RAB11FIP3: variants seen among roughly 807,000 people sequenced by gnomAD.
The protein encoded by RAB11FIP3 is RAB11 family interacting protein 3.
Under a neutral mutation model 77.8 loss-of-function variants are expected in RAB11FIP3, and 17 were observed. That is an observed-to-expected ratio of 0.22 (90% CI 0.15 to 0.33). The LOEUF (loss-of-function observed/expected upper bound fraction) is 0.33, where lower values mean the gene tolerates loss of function less well. RAB11FIP3 is among the 10% of genes least tolerant of loss of function. The pLI is 1.00. For missense variants in RAB11FIP3, 1,005 were observed against 1,011.2 expected (o/e 0.99, Z 0.08); for synonymous variants, 437 against 448.2 (o/e 0.98, Z 0.31).
intron 1 of RAB11FIP3, among the ~76,000 whole-genome samples, chr16:456,081 C>T (rs2055497987): frequency 6.6e-6 from 1 of 151,398 alleles, no homozygotes; most frequent in Non-Finnish European, 1.5e-5. Context: ...CCTGTAACCC[C>T]AGCACTTTGG....
intron 3 of RAB11FIP3, among the ~76,000 whole-genome samples, chr16:474,179 A>G (rs747694639): frequency 6.6e-6 from 1 of 152,156 alleles, no homozygotes; most frequent in Admixed American, 6.5e-5. Context: ...CAGATACCCT[A>G]TTCGGGGACC....
chr16:455,796 G>T lies in RAB11FIP3; in HGVS notation c.715-5608G>T, dbSNP rs1326287027. Among the ~76,000 whole-genome samples the T allele has an allele frequency of 2.0e-5, 3 of 152,008 alleles. No individual in the cohort carries two copies. The East Asian group carries it at 5.8e-4, about 29-fold the overall frequency. ...TGTAGAGATGAGGTTTCACCATGTTGCCCAGGCTAGTCTGGAACTCTTGGG... is the reference window on the plus strand; with the variant it reads ...TGTAGAGATGAGGTTTCACCATGTTTCCCAGGCTAGTCTGGAACTCTTGGG... On this transcript the variant is annotated intron_variant, in intron 1 of 13. Coordinates refer to ENST00000262305, the MANE Select transcript of RAB11FIP3 (RefSeq NM_014700.4).
intron 3 of RAB11FIP3, among the ~76,000 whole-genome samples, chr16:473,058 C>T (rs915868318): frequency 3.9e-5 from 6 of 152,268 alleles, no homozygotes; most frequent in African/African-American, 1.2e-4. Flanking sequence ...CTTTGGACTT[C>T]GGGCCTCCAG....
chr16:473,342 A>G (rs992131418), intron 3 of RAB11FIP3, among the ~76,000 whole-genome samples: 8 of 152,242 alleles, frequency 5.3e-5, no homozygotes, highest in African/African-American at 1.7e-4. Flanking sequence ...TTTGACTTAA[A>G]AAAATGAATA....
At chr16:487,856 C>G (rs1055485386) in intron 4 of RAB11FIP3, among the ~76,000 whole-genome samples, 1 of 152,110 alleles carries the variant, frequency 6.6e-6, no homozygotes, top group Non-Finnish European at 1.5e-5. Context: ...GCTGCTGTTA[C>G]GTTTTAGCTT....
intron 9 of RAB11FIP3, among the ~76,000 whole-genome samples, chr16:517,142 T>G (rs2032452141): frequency 6.6e-6 from 1 of 152,212 alleles, no homozygotes; most frequent in South Asian, 2.1e-4. Flanking sequence ...CCCAGTCTAA[T>G]TGCGAGAAAA....
chr16:464,805 A>G (rs1367041726), intron 2 of RAB11FIP3, among the ~76,000 whole-genome samples: 1 of 152,172 alleles, frequency 6.6e-6, no homozygotes, highest in Non-Finnish European at 1.5e-5. Context: ...AGGTGGGAGC[A>G]TCCCAGGAGG....
chr16:491,060 G>T, intron 5 of RAB11FIP3: 1 of 1,216,524 alleles, frequency 8.2e-7, no homozygotes, highest in South Asian at 1.3e-5. Flanking sequence ...TGTTCCCCTC[G>T]GCCCCTCGTG....
intron 3 of RAB11FIP3, among the ~76,000 whole-genome samples, chr16:481,345 T>G (rs1567382255): frequency 6.6e-6 from 1 of 151,960 alleles, no homozygotes; most frequent in Non-Finnish European, 1.5e-5. Context: ...ACCCCGTCTC[T>G]ACTAGAAATA....
rs757607797 is a variant in RAB11FIP3 at position 426,591 on chromosome 16, C to G, written c.585C>G (p.Ser195Arg). The change falls in exon 1 of 14, where the codon AGC (serine) becomes AGG (arginine). Residue 195 changes from serine (S) to arginine (R), a missense_variant. Ser to Arg is a moderately radical substitution (Grantham distance 110). Around this residue, in one of 4 missense-constraint regions of RAB11FIP3, gnomAD observed 466 missense variants for 408.3 expected, o/e 1.14. Transcript: ENST00000262305. This position sits in a 1 kb window ranked among gnomAD's most constrained non-coding sequence, Gnocchi z 5.0. ...SDLSQTHPLP[S>R]EPVGSQEDGP... ...TCAGCCAGACCCACCCCCTTCCGAGCGAGCCCGTGGGGAGTCAGGAGGACG... is the reference window on the plus strand; with the variant it reads ...TCAGCCAGACCCACCCCCTTCCGAGGGAGCCCGTGGGGAGTCAGGAGGACG... 3 of 1,597,620 alleles carry G rather than the reference C, an allele frequency of 1.9e-6. No individual in the cohort carries two copies. Among genetic ancestry groups the G allele is most frequent in the Non-Finnish European group, 2.6e-6 (3 of 1,173,264 alleles).
intron 5 of RAB11FIP3, among the ~76,000 whole-genome samples, chr16:493,031 A>C (rs762083021): frequency 2.2e-4 from 34 of 152,122 alleles, no homozygotes; most frequent in Non-Finnish European, 5.0e-4. Flanking sequence ...CAGGCAGATC[A>C]CTTGAGGCCA....
chr16:441,077 A>G (rs544032384), intron 1 of RAB11FIP3, among the ~76,000 whole-genome samples: 1 of 152,178 alleles, frequency 6.6e-6, no homozygotes, highest in South Asian at 2.1e-4. Flanking sequence ...AGTAGCTGGG[A>G]TGACAGGTAC....
At position 459,982 on chromosome 16, in the gene RAB11FIP3, A is replaced by G. The variant is rs191013880; in HGVS notation, c.715-1422A>G. 2.6e-5 allele frequency among the ~76,000 whole-genome samples: 4 copies of G among 151,028 alleles called. No individual in the cohort carries two copies. In the East Asian group the frequency reaches 7.8e-4, roughly 30 times the overall value. ...AACTTCTGCCTTCCGGGTTTAAGCA[A>G]TTTACCTGTCTCAGCCTCCTGAGTA... is the stretch of plus-strand genomic sequence containing the variant. On this transcript the variant is annotated intron_variant, in intron 1 of 13. Transcript: ENST00000262305.
At chr16:428,594 T>C (rs1475418776) in intron 1 of RAB11FIP3, among the ~76,000 whole-genome samples, 3 of 152,034 alleles carry the variant, frequency 2.0e-5, no homozygotes, top group Admixed American at 2.0e-4. Flanking sequence ...TCATCCCCAC[T>C]TTACAGGTAA....
At chr16:441,188 T>C (rs9921550) in intron 1 of RAB11FIP3, among the ~76,000 whole-genome samples, 95,369 of 152,056 alleles carry the variant, frequency 0.63, 30,298 homozygotes, top group African/African-American at 0.71. Flanking sequence ...GTGATCCACC[T>C]GCCTCAGCCT....
In RAB11FIP3 at chr16:425,929, A is replaced by C; in HGVS notation, c.-78A>C. 3.8e-6 allele frequency: 2 copies of C among 521,762 alleles called. No individual in the cohort carries two copies. The highest frequency in any genetic ancestry group is 4.9e-6 in the Non-Finnish European group (2 of 408,056). 32.3% of individuals were successfully genotyped at this position (521,762 alleles called of 1,614,324 possible). A position where few individuals can be genotyped will look rare whatever the true frequency, so the allele number is the denominator to read the frequency against. On this transcript the variant is annotated 5_prime_UTR_variant, in exon 1 of 14. An upstream start codon of the reference 5' UTR is lost. Transcript: ENST00000262305. Reference sequence around the variant, plus strand: ...CGCGCCCGCCCGCGCCGCCGAGGGGATGCCCGCGCCCGCCGCCGCGCCCTG... The same window carrying C: ...CGCGCCCGCCCGCGCCGCCGAGGGGCTGCCCGCGCCCGCCGCCGCGCCCTG...
At chr16:494,365 G>A (rs942606626) in intron 5 of RAB11FIP3, among the ~76,000 whole-genome samples, 15 of 151,610 alleles carry the variant, frequency 9.9e-5, no homozygotes, top group Admixed American at 3.9e-4. Context: ...GCTCATGCCC[G>A]TAATCCCAGC....
At chr16:490,143 T>C (rs1259469097) in intron 5 of RAB11FIP3, among the ~76,000 whole-genome samples, 1 of 152,264 alleles carries the variant, frequency 6.6e-6, no homozygotes, top group Non-Finnish European at 1.5e-5. Context: ...GTAATGTCTA[T>C]GCTACATTGT....
At chr16:463,069 G>C (rs192709975) in intron 2 of RAB11FIP3, among the ~76,000 whole-genome samples, 10 of 152,246 alleles carry the variant, frequency 6.6e-5, no homozygotes, top group Admixed American at 6.5e-4. Context: ...GGGTAAACTC[G>C]GTTCTTCACA....
Sources: allele counts gnomAD v4.1 joint callset (sites outside exome capture counted in the v4.1 genomes callset), GRCh38; gene constraint gnomAD v4.1.1; regional missense constraint gnomAD v4.1.1; non-coding constraint Gnocchi (gnomAD v3.1); transcripts MANE v1.5; gene names NCBI Gene and HGNC (gene_info 2026-07-23, HGNC 2026-07-21).